Variants in MORN1 observed in about 807,000 individuals in gnomAD.
MORN1 encodes the protein MORN repeat containing 1.
MORN1 carries 67 observed loss-of-function variants against 61.9 expected under a neutral mutation model. That is an observed-to-expected ratio of 1.08 (90% confidence interval 0.89 to 1.33). MORN1 has a LOEUF of 1.33. Among genes scored for constraint, MORN1 ranks in the 40% most tolerant of loss-of-function variants. The probability of loss-of-function intolerance (pLI) is 0.00; values close to 1 mark genes in which losing one functional copy is unlikely to be tolerated. For synonymous variants in MORN1, 301 were observed against 292.0 expected (o/e 1.03, Z -0.31); for missense variants, 752 against 691.2 (o/e 1.09, Z -0.99).
At chr1:2,335,498 G>A (rs915024389) in intron 12 of MORN1, among the ~76,000 whole-genome samples, 6 of 152,202 alleles carry the variant, frequency 3.9e-5, no homozygotes, top group African/African-American at 1.4e-4. Flanking sequence ...CTAGGGCGGC[G>A]ACAGGGGTCT....
At position 2,357,994 on chromosome 1, in the gene MORN1, T is replaced by C. The variant is rs1641811455; in HGVS notation, c.870-396A>G. ...AGAGCTGTGGCGTCACACTCAGGTC[T>C]GGTCGCCTGGGGCACTGCTAAGTTC... On this transcript the variant is annotated intron_variant, in intron 9 of 13. Coordinates refer to ENST00000378531, the MANE Select transcript of MORN1 (RefSeq NM_024848.3). This position sits in a 1 kb window ranked among gnomAD's most constrained non-coding sequence, Gnocchi z 6.3. Among the ~76,000 whole-genome samples, 2 of 152,206 alleles carry C rather than the reference T, an allele frequency of 1.3e-5. No homozygotes were observed. Among genetic ancestry groups the C allele is most frequent in the Non-Finnish European group, 2.9e-5 (2 of 68,038 alleles).
At chr1:2,322,749 G>C in intron 13 of MORN1, 1 of 985,466 alleles carries the variant, frequency 1.0e-6, no homozygotes, top group Non-Finnish European at 1.2e-6. Context: ...CTATACCAGT[G>C]GTGGCCAAGG....
At position 2,363,808 on chromosome 1, in the gene MORN1, A is replaced by AC. The variant is rs202168229; in HGVS notation, c.746-5094_746-5093insG. ...GAAAAACAAACAAACAAACAAACAA[A>AC]AAAATATATATATATATAAAAAAAA... On this transcript the variant is annotated intron_variant, in intron 8 of 13. Coordinates refer to ENST00000378531, the MANE Select transcript of MORN1 (RefSeq NM_024848.3). 2.5e-3 allele frequency among the ~76,000 whole-genome samples: 233 copies of AC among 93,088 alleles called. 1 individual carries two copies. Among genetic ancestry groups the AC allele is most frequent in the African/African-American group, 7.0e-3 (171 of 24,358 alleles). 61.1% of individuals were successfully genotyped at this position (93,088 alleles called of 152,430 possible). A position where few individuals can be genotyped will look rare whatever the true frequency, so the allele number is the denominator to read the frequency against.
chr1:2,332,004 C>T (rs1034792198), intron 12 of MORN1: 5 of 172,716 alleles, frequency 2.9e-5, no homozygotes, highest in South Asian at 1.0e-4. Flanking sequence ...CCCGCCGCTG[C>T]GCCTCTCCCG....
At chr1:2,390,098 G>C (rs1642609967) in intron 1 of MORN1, 102 bp from the exon 2 acceptor site, 2 of 1,111,302 alleles carry the variant, frequency 1.8e-6, no homozygotes, top group South Asian at 2.5e-5. Context: ...GGCCTTCAAG[G>C]GGTTGGTACA....
intron 12 of MORN1, among the ~76,000 whole-genome samples, chr1:2,331,225 G>A (rs116579103): frequency 0.054 from 8,176 of 152,258 alleles, 295 homozygotes; most frequent in Non-Finnish European, 0.08. Context: ...AGCGGCTGGC[G>A]CAGGAGCCCC....
At chr1:2,340,025 C>A (rs1021595740) in intron 10 of MORN1, among the ~76,000 whole-genome samples, 24 of 152,358 alleles carry the variant, frequency 1.6e-4, no homozygotes, top group African/African-American at 5.8e-4. Flanking sequence ...TCCAAGGCTG[C>A]GCCTGGGCTC....
In MORN1 at chr1:2,336,487, T is replaced by A; in HGVS notation, c.1232A>T (p.Glu411Val). Residue 411 changes from glutamate (E) to valine (V), a missense_variant, in exon 12 of 14, where the codon GAG (glutamate) becomes GTG (valine). Glu to Val is a moderately radical substitution (Grantham distance 121). Coordinates refer to ENST00000378531, the MANE Select transcript of MORN1 (RefSeq NM_024848.3). ...HPRGTPPTAQ[E>V]PPGGSRPEGR... is the part of the protein sequence containing the mutation. ...ATCCTACCTGCTGCCTCCAGGAGGCTCCTGTGCCGTGGGTGGTGTCCCCCT... is the reference window on the plus strand; with the variant it reads ...ATCCTACCTGCTGCCTCCAGGAGGCACCTGTGCCGTGGGTGGTGTCCCCCT... 1 of 1,612,370 alleles carries A rather than the reference T, an allele frequency of 6.2e-7. No homozygotes were observed. The highest frequency in any genetic ancestry group is 8.5e-7 in the Non-Finnish European group (1 of 1,179,720).
chr1:2,356,633 G>C (rs1443015301), intron 10 of MORN1, among the ~76,000 whole-genome samples: 1 of 152,182 alleles, frequency 6.6e-6, no homozygotes, highest in Non-Finnish European at 1.5e-5. Flanking sequence ...CAGGGCTGTG[G>C]CAAGAAGGAC....
At chr1:2,376,350 G>T (rs889329803) in intron 6 of MORN1, 1 of 152,340 alleles carries the variant, frequency 6.6e-6, no homozygotes, top group Non-Finnish European at 1.5e-5. Context: ...GGGCTCTTCA[G>T]GGCGTCCGGG....
intron 6 of MORN1, 190 bp from the exon 7 acceptor site, chr1:2,374,747 C>A (rs2100342672): frequency 3.6e-6 from 2 of 561,374 alleles, no homozygotes; most frequent in South Asian, 4.8e-5. Flanking sequence ...GAATGCAATC[C>A]AATTTGCTTT....
rs115991611 is a variant in MORN1 at position 2,337,611 on chromosome 1, A to G, written c.1037-761T>C. On this transcript the variant is annotated intron_variant, in intron 10 of 13. Coordinates refer to ENST00000378531, the MANE Select transcript of MORN1 (RefSeq NM_024848.3). This position sits in a 1 kb window ranked among gnomAD's most constrained non-coding sequence, Gnocchi z 5.7. The stretch of plus-strand genomic sequence containing the variant: ...CTTTTACAAGGATGGTCAGTGGCTG[A>G]GCCTGAAGGAGATAACTTCAGTGCA... 4.5e-3 allele frequency among the ~76,000 whole-genome samples: 688 copies of G among 152,306 alleles called. No individual in the cohort carries two copies. The highest frequency in any genetic ancestry group is 8.2e-3 in the Non-Finnish European group (561 of 68,022).
intron 10 of MORN1, among the ~76,000 whole-genome samples, chr1:2,345,219 G>A (rs1233338197): frequency 6.6e-6 from 1 of 152,232 alleles, no homozygotes; most frequent in Non-Finnish European, 1.5e-5. Context: ...GGCATGGGCG[G>A]TCCCCAGGCT....
rs556978724 is a variant in MORN1 at position 2,385,606 on chromosome 1, G to T, written c.449+201C>A. The stretch of plus-strand genomic sequence containing the variant: ...CAATTGGTCAATTTCAATAAACAAG[G>T]GGAAAATTACAGAATAACACCGAAA... On this transcript the variant is annotated intron_variant, in intron 5 of 13. Coordinates refer to ENST00000378531, the MANE Select transcript of MORN1 (RefSeq NM_024848.3). 4.2e-5 allele frequency: 21 copies of T among 500,860 alleles called. No individual in the cohort carries two copies. The East Asian group carries it at 6.6e-4, about 16-fold the overall frequency. 31.0% of individuals were successfully genotyped at this position (500,860 alleles called of 1,614,324 possible).
At chr1:2,383,827 A>C (rs1642425861) in intron 6 of MORN1, among the ~76,000 whole-genome samples, 1 of 152,176 alleles carries the variant, frequency 6.6e-6, no homozygotes, top group South Asian at 2.1e-4. Context: ...CCTCACGCCC[A>C]GCATGGGGGA....
chr1:2,385,071 G>A lies in MORN1; in HGVS notation c.450-6C>T. The A allele has an allele frequency of 6.3e-7, 1 of 1,585,158 alleles. No individual in the cohort carries two copies. The highest frequency in any genetic ancestry group is 1.1e-5 in the South Asian group (1 of 87,116). ...CGTCGTACTTGTCACCGTTCCTGGG[G>A]GACACACGCACGGAGTCCACTCTCA... On this transcript the variant is annotated splice_region_variant and splice_polypyrimidine_tract_variant and intron_variant, in intron 5 of 13. Coordinates refer to ENST00000378531, the MANE Select transcript of MORN1 (RefSeq NM_024848.3).
At chr1:2,336,022 C>T (rs931196285) in intron 12 of MORN1, among the ~76,000 whole-genome samples, 1 of 152,164 alleles carries the variant, frequency 6.6e-6, no homozygotes, top group African/African-American at 2.4e-5. Context: ...CCACAAACCC[C>T]CCACGGTGTC....
intron 10 of MORN1, among the ~76,000 whole-genome samples, chr1:2,338,171 C>T (rs573323243): frequency 2.0e-5 from 3 of 152,220 alleles, no homozygotes; most frequent in South Asian, 4.1e-4. Context: ...CTGTAGGGAG[C>T]GACAGAGACG....
chr1:2,373,489 C>CT (rs1365752729), intron 7 of MORN1, among the ~76,000 whole-genome samples: 1 of 152,196 alleles, frequency 6.6e-6, no homozygotes, highest in Non-Finnish European at 1.5e-5. Context: ...GGCCAAGAGA[C>CT]TTTTTTGGGA....
Sources: gnomAD v4.1 joint callset for allele counts (sites outside exome capture counted in the v4.1 genomes callset) on GRCh38, gnomAD v4.1.1 for gene constraint, Gnocchi (gnomAD v3.1) non-coding constraint, MANE v1.5 for transcripts, NCBI Gene and HGNC (gene_info 2026-07-23, HGNC 2026-07-21) for gene names.